Variants in TOX observed in about 807,000 individuals in gnomAD.
The protein encoded by TOX is thymocyte selection-associated high mobility group box protein TOX.
In TOX, 11 loss-of-function variants were observed where a neutral mutation model predicts 53.7. The ratio of observed to expected loss-of-function variants is 0.20; its 90% CI spans 0.13 to 0.34. The LOEUF is 0.34. Among genes scored for constraint, TOX ranks in the 10% least tolerant of loss-of-function variants. TOX has a pLI of 1.00. For missense variants in TOX, 570 were observed against 664.6 expected (o/e 0.86, Z 1.56); for synonymous variants, 225 against 245.3 (o/e 0.92, Z 0.77).
intron 1 of TOX, among the ~76,000 whole-genome samples, chr8:59,034,426 C>A (rs1026645714): frequency 5.3e-5 from 8 of 152,186 alleles, no homozygotes; most frequent in African/African-American, 1.9e-4. Context: ...CCTTCCCTAT[C>A]CCCACCCTGT....
chr8:59,002,943 G>A (rs567512774), intron 1 of TOX, among the ~76,000 whole-genome samples: 2 of 152,254 alleles, frequency 1.3e-5, no homozygotes, highest in East Asian at 3.9e-4. Flanking sequence ...TATAAATGCT[G>A]GTGAAGGGAA....
At chr8:58,971,632 G>A (rs569281672) in intron 1 of TOX, among the ~76,000 whole-genome samples, 1 of 152,250 alleles carries the variant, frequency 6.6e-6, no homozygotes, top group East Asian at 1.9e-4. Flanking sequence ...GATTCGGTGT[G>A]CCCTCAATTT....
chr8:58,851,466 G>T lies in TOX; in HGVS notation c.693+58C>A. ...TGATATAAACTTGTACCCAGCACAG[G>T]TCAAAGAAGGTGCCTAAGAATAGTC... On this transcript the variant is annotated intron_variant, in intron 4 of 8. Coordinates refer to ENST00000361421, the MANE Select transcript of TOX (RefSeq NM_014729.3). This position sits in a 1 kb window ranked among gnomAD's most constrained non-coding sequence, Gnocchi z 4.4. 2 of 1,581,952 alleles carry T rather than the reference G, an allele frequency of 1.3e-6. No homozygotes were observed. The highest frequency in any genetic ancestry group is 1.3e-5 in the African/African-American group (1 of 74,304).
chr8:58,902,676 C>T (rs1811751098), intron 3 of TOX, among the ~76,000 whole-genome samples: 1 of 152,186 alleles, frequency 6.6e-6, no homozygotes, highest in African/African-American at 2.4e-5. Context: ...ATAAATCTTT[C>T]TGTTTCTGGT....
intron 3 of TOX, among the ~76,000 whole-genome samples, chr8:58,868,139 T>C (rs549892635): frequency 1.6e-4 from 25 of 152,254 alleles, no homozygotes; most frequent in African/African-American, 4.6e-4. Context: ...TAAAGGGCAG[T>C]TCCTCTGCAC....
At chr8:58,867,789 T>G (rs910267261) in intron 3 of TOX, among the ~76,000 whole-genome samples, 1 of 152,208 alleles carries the variant, frequency 6.6e-6, no homozygotes, top group African/African-American at 2.4e-5. Flanking sequence ...GACCAGAATC[T>G]AAATTCTGAG....
intron 3 of TOX, among the ~76,000 whole-genome samples, chr8:58,930,291 C>A (rs1404502064): frequency 1.3e-5 from 2 of 152,256 alleles, no homozygotes; most frequent in South Asian, 4.1e-4. Context: ...TAGATTCATT[C>A]AATCAGAAAA....
At chr8:58,922,046 C>T (rs1812083659) in intron 3 of TOX, among the ~76,000 whole-genome samples, 3 of 152,100 alleles carry the variant, frequency 2.0e-5, no homozygotes, top group African/African-American at 2.4e-5. Context: ...CATAGAATGC[C>T]GTGGCCTGAC....
At chr8:58,998,590 ATG>A (rs1813627359) in intron 1 of TOX, among the ~76,000 whole-genome samples, 1 of 142,034 alleles carries the variant, frequency 7.0e-6, no homozygotes, top group African/African-American at 2.6e-5. Context: ...ATAAATTTAT[ATG>A]TAATAAATTT....
intron 1 of TOX, among the ~76,000 whole-genome samples, chr8:58,963,380 C>A (rs1183384088): frequency 6.6e-6 from 1 of 152,010 alleles, no homozygotes; most frequent in African/African-American, 2.4e-5. Flanking sequence ...GATCATCTAT[C>A]CATCCATCCA....
chr8:59,037,026 T>C (rs1214320957), intron 1 of TOX, among the ~76,000 whole-genome samples: 2 of 152,226 alleles, frequency 1.3e-5, no homozygotes, highest in African/African-American at 2.4e-5. Context: ...GAGCTGCTCA[T>C]AGTTTGACTA....
intron 1 of TOX, among the ~76,000 whole-genome samples, chr8:58,975,288 A>AGG (rs1173877968): frequency 6.6e-6 from 1 of 150,682 alleles, no homozygotes; most frequent in South Asian, 2.1e-4. Flanking sequence ...AGAGAGAGAG[A>AGG]GGGGAGATTG....
chr8:59,013,656 G>A (rs1324336931), intron 1 of TOX, among the ~76,000 whole-genome samples: 3 of 152,230 alleles, frequency 2.0e-5, no homozygotes, highest in East Asian at 1.9e-4. Context: ...TGATCCGCCC[G>A]CTCCGGCCTC....
At chr8:58,985,944 A>G (rs16924380) in intron 1 of TOX, among the ~76,000 whole-genome samples, 47,599 of 152,054 alleles carry the variant, frequency 0.31, 8,481 homozygotes, top group African/African-American at 0.48. Flanking sequence ...AGGGCCTTAT[A>G]AGGGTCCATC....
intron 1 of TOX, among the ~76,000 whole-genome samples, chr8:59,094,045 A>C (rs1804669498): frequency 6.6e-6 from 1 of 152,192 alleles, no homozygotes; most frequent in Non-Finnish European, 1.5e-5. Flanking sequence ...TAATAAACAA[A>C]ATAAAAAGAA....
At chr8:59,111,669 A>G (rs1805019051) in intron 1 of TOX, among the ~76,000 whole-genome samples, 1 of 152,182 alleles carries the variant, frequency 6.6e-6, no homozygotes, top group Non-Finnish European at 1.5e-5. Context: ...AAAGACTTCA[A>G]TCAAAAGGCA....
Position 58,933,915 on chromosome 8 carries a change from C to T in TOX, c.411+5387G>A, listed in dbSNP as rs1175111037. On this transcript the variant is annotated intron_variant, in intron 3 of 8. Coordinates refer to ENST00000361421, the MANE Select transcript of TOX (RefSeq NM_014729.3). ...CCAGTCTTCTATAGATCTACTCCAGCCCTGCTGGTAAGAGGGTTCAGTGAC... is the reference window on the plus strand; with the variant it reads ...CCAGTCTTCTATAGATCTACTCCAGTCCTGCTGGTAAGAGGGTTCAGTGAC... 7.2e-5 allele frequency among the ~76,000 whole-genome samples: 11 copies of T among 152,174 alleles called. No homozygotes were observed. The East Asian group carries it at 2.1e-3, about 29-fold the overall frequency.
chr8:58,963,610 T>A (rs993893621), intron 1 of TOX, among the ~76,000 whole-genome samples: 8 of 152,228 alleles, frequency 5.3e-5, no homozygotes, highest in African/African-American at 1.9e-4. Context: ...TGTGTTCCAG[T>A]TCATCCCACC....
At chr8:58,827,293 G>A (rs1810381745) in intron 5 of TOX, among the ~76,000 whole-genome samples, 1 of 152,092 alleles carries the variant, frequency 6.6e-6, no homozygotes, top group Admixed American at 6.6e-5. Context: ...TTCACATCCT[G>A]ATATATATGT....
Sources: gnomAD v4.1 joint callset for allele counts (sites outside exome capture counted in the v4.1 genomes callset) on GRCh38, gnomAD v4.1.1 for gene constraint, Gnocchi (gnomAD v3.1) non-coding constraint, MANE v1.5 for transcripts, NCBI Gene and HGNC (gene_info 2026-07-23, HGNC 2026-07-21) for gene names.